IFT56: variants seen among roughly 807,000 people sequenced by gnomAD.
IFT56 encodes the protein intraflagellar transport 56, also known as intraflagellar transport protein 56.
chr7:139,142,618 T>A, the IFT56 span, among the ~76,000 whole-genome samples: 1 of 152,166 alleles, frequency 6.6e-6, no homozygotes, highest in Non-Finnish European at 1.5e-5. Flanking sequence ...TCATCTGAAG[T>A]CAGGAGTTGG....
At chr7:139,140,487 A>G in the IFT56 span, among the ~76,000 whole-genome samples, 1 of 152,114 alleles carries the variant, frequency 6.6e-6, no homozygotes, top group Non-Finnish European at 1.5e-5. Context: ...ATGGTAGAAA[A>G]AGTTAAAGAT....
the IFT56 span, among the ~76,000 whole-genome samples, chr7:139,158,316 A>AAAAAAAAAAAAAAAAC: frequency 6.6e-6 from 1 of 151,566 alleles, no homozygotes; most frequent in African/African-American, 2.4e-5. Flanking sequence ...GCCATCTCAA[A>AAAAAAAAAAAAAAAAC]AAAAAAAAAC....
At chr7:139,175,846 T>G in the IFT56 span, among the ~76,000 whole-genome samples, 1 of 152,092 alleles carries the variant, frequency 6.6e-6, no homozygotes. Context: ...GTTTTGTTTT[T>G]TGAGATGGAG....
chr7:139,142,673 A>C, the IFT56 span, among the ~76,000 whole-genome samples: 1 of 152,194 alleles, frequency 6.6e-6, no homozygotes. Flanking sequence ...CTACTAAAAT[A>C]CAAAAAAAAT....
At chr7:139,188,982 G>A in the IFT56 span, among the ~76,000 whole-genome samples, 1 of 152,280 alleles carries the variant, frequency 6.6e-6, no homozygotes, top group Admixed American at 6.5e-5. Flanking sequence ...CCAACTTCTG[G>A]ATATACTCTT....
chr7:139,175,270 G>A, the IFT56 span, among the ~76,000 whole-genome samples: 3 of 152,068 alleles, frequency 2.0e-5, no homozygotes, highest in East Asian at 1.9e-4. Flanking sequence ...ATTTATGTAC[G>A]TACAAATGTA....
At chr7:139,135,050 A>G in the IFT56 span, among the ~76,000 whole-genome samples, 37,677 of 152,028 alleles carry the variant, frequency 0.25, 8,432 homozygotes, top group African/African-American at 0.57. Context: ...GGAGGCCGAG[A>G]CGGGCAGATC....
chr7:139,148,271 C>T, the IFT56 span: 1 of 1,613,974 alleles, frequency 6.2e-7, no homozygotes, highest in Non-Finnish European at 8.5e-7. Flanking sequence ...TATGATGTGT[C>T]TCAAGAAGTT....
the IFT56 span, among the ~76,000 whole-genome samples, chr7:139,171,170 A>G: frequency 1.3e-5 from 2 of 152,196 alleles, no homozygotes; most frequent in African/African-American, 4.8e-5. Context: ...AAACTATAAA[A>G]CATTGATGCA....
At chr7:139,150,541 G>A in the IFT56 span, among the ~76,000 whole-genome samples, 1 of 152,136 alleles carries the variant, frequency 6.6e-6, no homozygotes. Context: ...TTGTGTCAAT[G>A]TAGTTTATAT....
chr7:139,149,505 T>TA, the IFT56 span, among the ~76,000 whole-genome samples: 1 of 152,170 alleles, frequency 6.6e-6, no homozygotes. Context: ...TCAGTCTTGT[T>TA]ATCTTCAGTC....
the IFT56 span, among the ~76,000 whole-genome samples, chr7:139,155,765 G>A: frequency 6.6e-5 from 10 of 151,662 alleles, no homozygotes; most frequent in South Asian, 1.2e-3. Context: ...TTTGGTTTTG[G>A]TATTGGGGTA....
At chr7:139,166,393 TACTC>T in the IFT56 span, among the ~76,000 whole-genome samples, 38 of 152,260 alleles carry the variant, frequency 2.5e-4, 1 homozygote, top group African/African-American at 8.9e-4. Flanking sequence ...AACACCCAAA[TACTC>T]ACCCTGGATT....
the IFT56 span, chr7:139,178,544 C>G: frequency 6.2e-7 from 1 of 1,614,094 alleles, no homozygotes; most frequent in Non-Finnish European, 8.5e-7. Context: ...ACATCTTTAA[C>G]TTTAATTATG....
At chr7:139,134,684 CAG>C in the IFT56 span, 1 of 1,613,242 alleles carries the variant, frequency 6.2e-7, no homozygotes, top group Non-Finnish European at 8.5e-7. Context: ...CTGCTGTAGG[CAG>C]AGGCGTACAG....
chr7:139,151,330 A>G, the IFT56 span, among the ~76,000 whole-genome samples: 1 of 152,214 alleles, frequency 6.6e-6, no homozygotes, highest in East Asian at 1.9e-4. Context: ...TGGCAAACAG[A>G]TGATGAAAAA....
chr7:139,179,703 A>G, the IFT56 span: 4 of 1,372,082 alleles, frequency 2.9e-6, no homozygotes, highest in Non-Finnish European at 4.1e-6. Flanking sequence ...TGGTTGCATA[A>G]TCTGTTCGGA....
At chr7:139,187,412 C>T in the IFT56 span, 7 of 1,613,992 alleles carry the variant, frequency 4.3e-6, no homozygotes, top group Non-Finnish European at 5.9e-6. Context: ...TCAGATGGGC[C>T]AGTTTTACTA....
the IFT56 span, among the ~76,000 whole-genome samples, chr7:139,144,523 A>G: frequency 1.3e-5 from 2 of 152,020 alleles, no homozygotes; most frequent in Non-Finnish European, 2.9e-5. Context: ...TTTAATTAAA[A>G]GAATCCTTGG....
Sources: allele counts gnomAD v4.1 joint callset (sites outside exome capture counted in the v4.1 genomes callset), GRCh38; gene constraint gnomAD v4.1.1; transcripts MANE v1.5; gene names NCBI Gene and HGNC (gene_info 2026-07-23, HGNC 2026-07-21).